Variants in CDK6 observed in about 807,000 individuals in gnomAD.
The protein encoded by CDK6 is cyclin dependent kinase 6.
CDK6 carries 6 observed loss-of-function variants against 37.1 expected under a neutral mutation model. The ratio of observed to expected loss-of-function variants is 0.16; its 90% CI spans 0.09 to 0.32. CDK6 has a LOEUF of 0.32. Among genes scored for constraint, CDK6 ranks in the 10% least tolerant of loss-of-function variants. CDK6 has a pLI of 1.00. For synonymous variants in CDK6, 160 were observed against 161.3 expected, an observed-to-expected ratio of 0.99 and a Z score of 0.06; for missense variants, 224 against 418.9, an observed-to-expected ratio of 0.53 and a Z score of 4.06.
At chr7:92,728,416 G>GT (rs1370109069) in intron 3 of CDK6, among the ~76,000 whole-genome samples, 3 of 152,126 alleles carry the variant, frequency 2.0e-5, no homozygotes, top group African/African-American at 7.2e-5. Context: ...TTAAAAACAT[G>GT]TAACAATTCA....
intron 2 of CDK6, among the ~76,000 whole-genome samples, chr7:92,816,847 C>T (rs1420830754): frequency 6.6e-6 from 1 of 151,742 alleles, no homozygotes; most frequent in African/African-American, 2.4e-5. Context: ...ATGCAAATTA[C>T]CAATATCAGG....
rs1801642134 is a variant in CDK6 at position 92,835,603 on chromosome 7, CCTT to C, written c.-368+872_-368+874del. On this transcript the variant is annotated intron_variant, in intron 1 of 7. Coordinates refer to ENST00000424848, the MANE Select transcript of CDK6 (RefSeq NM_001145306.2). The surrounding 1 kb of genome is among the most constrained non-coding windows in gnomAD (Gnocchi z 4.2). Reference sequence around the variant, plus strand: ...GCGACTACAAAGGCTGCAGCCGCCTCCTTCTGCTTTCTGTCTCTGCTCTCTGTC... The same window carrying C: ...GCGACTACAAAGGCTGCAGCCGCCTCCTGCTTTCTGTCTCTGCTCTCTGTC... Among the ~76,000 whole-genome samples, 1 of 152,240 alleles carries C rather than the reference CCTT, an allele frequency of 6.6e-6. No individual in the cohort carries two copies. Among genetic ancestry groups the C allele is most frequent in the African/African-American group, 2.4e-5 (1 of 41,464 alleles).
intron 4 of CDK6, among the ~76,000 whole-genome samples, chr7:92,718,300 C>T (rs539211007): frequency 4.6e-5 from 7 of 152,160 alleles, no homozygotes; most frequent in East Asian, 3.9e-4. Flanking sequence ...GCTGAGGTGC[C>T]GAGGCGACGG....
At chr7:92,782,554 G>T (rs1024261063) in intron 2 of CDK6, among the ~76,000 whole-genome samples, 6 of 152,182 alleles carry the variant, frequency 3.9e-5, no homozygotes, top group Non-Finnish European at 8.8e-5. Context: ...ACTCTACACT[G>T]GGATTATGAA....
chr7:92,805,235 C>T (rs191826040), intron 2 of CDK6, among the ~76,000 whole-genome samples: 243 of 152,250 alleles, frequency 1.6e-3, no homozygotes, highest in Non-Finnish European at 2.7e-3. Flanking sequence ...ACCACCATCA[C>T]GTTGCCACTT....
rs765972839 is a variant in CDK6 at position 92,692,750 on chromosome 7, T to TG, written c.538-21216dup. Among the ~76,000 whole-genome samples the TG allele has an allele frequency of 1.4e-4, 22 of 152,240 alleles. No homozygotes were observed. The South Asian group carries it at 1.5e-3, about 10-fold the overall frequency. On this transcript the variant is annotated intron_variant, in intron 4 of 7. Coordinates refer to ENST00000424848, the MANE Select transcript of CDK6 (RefSeq NM_001145306.2). Reference sequence around the variant, plus strand: ...TAGTGAGCCGTGATCATCATGCCACTGCACTCCAGCCTGAATTATGGAGTA... The same window carrying TG: ...TAGTGAGCCGTGATCATCATGCCACTGGCACTCCAGCCTGAATTATGGAGTA...
chr7:92,693,922 TAAGTA>T (rs1476642181), intron 4 of CDK6, among the ~76,000 whole-genome samples: 4 of 152,222 alleles, frequency 2.6e-5, no homozygotes, highest in Non-Finnish European at 5.9e-5. Context: ...CCCTTGGGAA[TAAGTA>T]AAGACCAAGA....
intron 3 of CDK6, among the ~76,000 whole-genome samples, chr7:92,770,940 C>T (rs1799699244): frequency 6.6e-6 from 1 of 151,860 alleles, no homozygotes; most frequent in Non-Finnish European, 1.5e-5. Context: ...ATATATATTT[C>T]ATGTTAAAAT....
chr7:92,666,181 A>G (rs1292974300), intron 5 of CDK6, among the ~76,000 whole-genome samples: 1 of 152,242 alleles, frequency 6.6e-6, no homozygotes, highest in African/African-American at 2.4e-5. Context: ...GTTAATCCCA[A>G]CTGCTGGCCT....
intron 4 of CDK6, among the ~76,000 whole-genome samples, chr7:92,672,230 CACACACACACACAT>C (rs1797103988): frequency 6.9e-6 from 1 of 144,306 alleles, no homozygotes; most frequent in African/African-American, 2.6e-5. Context: ...CACACACACA[CACACACACACACAT>C]ATATGAAGAT....
intron 4 of CDK6, among the ~76,000 whole-genome samples, chr7:92,672,519 T>A (rs1468860337): frequency 6.6e-6 from 1 of 151,024 alleles, no homozygotes; most frequent in African/African-American, 2.4e-5. Flanking sequence ...TAGTAATAGA[T>A]GAAACAAACA....
intron 2 of CDK6, among the ~76,000 whole-genome samples, chr7:92,819,086 T>C (rs1314298610): frequency 6.6e-6 from 1 of 152,066 alleles, no homozygotes; most frequent in Non-Finnish European, 1.5e-5. Flanking sequence ...ATGAAGCATA[T>C]GTCATATCAA....
intron 4 of CDK6, among the ~76,000 whole-genome samples, chr7:92,723,129 T>C (rs1438253563): frequency 6.6e-6 from 1 of 152,120 alleles, no homozygotes. Flanking sequence ...TGAGCTGAGA[T>C]AGGGCCACTG....
chr7:92,684,176 G>A (rs1421039208), intron 4 of CDK6, among the ~76,000 whole-genome samples: 2 of 152,150 alleles, frequency 1.3e-5, no homozygotes, highest in African/African-American at 2.4e-5. Context: ...AATCACAGAA[G>A]AGCCAATGGC....
intron 4 of CDK6, 53 bp downstream of exon 4, chr7:92,725,573 C>T (rs2116708907): frequency 6.5e-7 from 1 of 1,533,368 alleles, no homozygotes; most frequent in Non-Finnish European, 8.9e-7. Flanking sequence ...GACAGACTGT[C>T]ATTCAAAATA....
intron 4 of CDK6, among the ~76,000 whole-genome samples, chr7:92,673,013 G>C (rs1014988220): frequency 1.3e-5 from 2 of 152,204 alleles, no homozygotes; most frequent in Admixed American, 6.5e-5. Context: ...TAATGTCTGA[G>C]ACTACCAATG....
chr7:92,772,967 C>G (rs563869249), intron 3 of CDK6, among the ~76,000 whole-genome samples: 2 of 151,936 alleles, frequency 1.3e-5, no homozygotes, highest in African/African-American at 4.8e-5. Context: ...AAAGATACTC[C>G]CCAAATAACT....
intron 4 of CDK6, among the ~76,000 whole-genome samples, chr7:92,714,445 G>A (rs1798174756): frequency 6.6e-6 from 1 of 152,158 alleles, no homozygotes; most frequent in African/African-American, 2.4e-5. Context: ...GTTGACTGCT[G>A]CATTCCGGAG....
intron 2 of CDK6, among the ~76,000 whole-genome samples, chr7:92,808,704 AT>A (rs1417862604): frequency 6.6e-6 from 1 of 152,168 alleles, no homozygotes; most frequent in African/African-American, 2.4e-5. Flanking sequence ...TTTCTCAAGT[AT>A]TTTGAGGTAG....
Sources: gnomAD v4.1 joint callset for allele counts (sites outside exome capture counted in the v4.1 genomes callset) on GRCh38, gnomAD v4.1.1 for gene constraint, Gnocchi (gnomAD v3.1) non-coding constraint, MANE v1.5 for transcripts, NCBI Gene and HGNC (gene_info 2026-07-23, HGNC 2026-07-21) for gene names.